RASA3: variants seen among roughly 807,000 people sequenced by gnomAD.
RASA3 encodes the protein ras GTPase-activating protein 3.
RASA3 carries 73 observed loss-of-function variants against 110.0 expected under a neutral mutation model. The observed-to-expected ratio is 0.66, with a 90% CI of 0.55 to 0.81. The LOEUF is 0.81. Among genes scored for constraint, RASA3 ranks in the 30% least tolerant of loss-of-function variants. The pLI, the probability that RASA3 is intolerant of heterozygous loss-of-function variation, is 0.00. For synonymous variants in RASA3, 500 were observed against 451.4 expected (o/e 1.11, Z -1.37); for missense variants, 976 against 1,113.2 (o/e 0.88, Z 1.75).
chr13:114,003,070 C>T (rs1197802007), intron 18 of RASA3, among the ~76,000 whole-genome samples: 1 of 152,230 alleles, frequency 6.6e-6, no homozygotes, highest in African/African-American at 2.4e-5. Context: ...GCAAGACACA[C>T]TTGGCACCAA....
chr13:113,988,800 C>T (rs1198371389), intron 22 of RASA3, among the ~76,000 whole-genome samples: 2 of 143,250 alleles, frequency 1.4e-5, no homozygotes, highest in Admixed American at 6.9e-5. Context: ...CCCATCCACC[C>T]ATCACTCAAC....
At chr13:114,032,435 A>C (rs1343056098) in intron 4 of RASA3, among the ~76,000 whole-genome samples, 1 of 152,154 alleles carries the variant, frequency 6.6e-6, no homozygotes, top group African/African-American at 2.4e-5. Flanking sequence ...GCCTCCATGT[A>C]CTGATTTATG....
intron 1 of RASA3, among the ~76,000 whole-genome samples, chr13:114,074,113 C>T (rs759884453): frequency 1.3e-5 from 2 of 152,204 alleles, no homozygotes; most frequent in Admixed American, 1.3e-4. Flanking sequence ...TGCATTAGTC[C>T]CTTTATTTTA....
intron 18 of RASA3, among the ~76,000 whole-genome samples, chr13:114,004,861 C>T (rs909993677): frequency 9.9e-5 from 15 of 152,202 alleles, no homozygotes; most frequent in Non-Finnish European, 1.2e-4. Context: ...AGCAAAGACA[C>T]GGAATCCACG....
At position 113,996,668 on chromosome 13, in the gene RASA3, C is replaced by T; in HGVS notation, c.2004G>A (p.Trp668Ter). The T allele has an allele frequency of 6.2e-7, 1 of 1,613,842 alleles. No homozygotes were observed. The highest frequency in any genetic ancestry group is 8.5e-7 in the Non-Finnish European group (1 of 1,180,038). The change falls in exon 21 of 24, where the codon TGG (tryptophan) becomes TGA (stop). Residue 668 changes from tryptophan (W) to a stop codon, truncating the protein, a stop_gained. Coordinates refer to ENST00000334062, the MANE Select transcript of RASA3 (RefSeq NM_007368.4). LOFTEE classifies it high-confidence loss of function. ...GGCTCACTTTGGTGAGAATGTCGAT[C>T]CAGTCCTTGGCCTCCACGCAGTTGT... ...QANNCVEAKD[W>*]IDILTKVSQC... is the part of the protein sequence containing the mutation.
chr13:114,041,312 T>C (rs892826860), intron 3 of RASA3, among the ~76,000 whole-genome samples: 11 of 152,216 alleles, frequency 7.2e-5, no homozygotes, highest in African/African-American at 1.9e-4. Flanking sequence ...TGGTGAAAAC[T>C]TGTCTCTACA....
chr13:114,070,561 G>A (rs893195581), intron 2 of RASA3, among the ~76,000 whole-genome samples: 4 of 152,218 alleles, frequency 2.6e-5, no homozygotes, highest in African/African-American at 7.2e-5. Flanking sequence ...CGGCCAGCCC[G>A]CACAGCCCTC....
chr13:114,094,398 A>G (rs2079920128), intron 1 of RASA3, among the ~76,000 whole-genome samples: 1 of 152,256 alleles, frequency 6.6e-6, no homozygotes, highest in Admixed American at 6.5e-5. Context: ...CCATCAACAC[A>G]TGAACGGATA....
At chr13:114,051,786 A>G (rs6560957) in intron 3 of RASA3, among the ~76,000 whole-genome samples, 54,936 of 152,146 alleles carry the variant, frequency 0.36, 10,136 homozygotes, top group Middle Eastern at 0.48. Flanking sequence ...AGAGGGCCAG[A>G]GATGCTGTGC....
intron 4 of RASA3, among the ~76,000 whole-genome samples, chr13:114,037,490 G>T (rs534781300): frequency 6.6e-6 from 1 of 152,282 alleles, no homozygotes; most frequent in East Asian, 1.9e-4. Flanking sequence ...CTGCCGGTGG[G>T]GAAGGGGCGG....
chr13:114,038,532 T>C (rs1264389445), intron 4 of RASA3, among the ~76,000 whole-genome samples: 1 of 152,224 alleles, frequency 6.6e-6, no homozygotes, highest in East Asian at 1.9e-4. Flanking sequence ...CAGGGCTTCT[T>C]GGCTCCACTC....
rs184614080 is a variant in RASA3 at position 114,012,113 on chromosome 13, G to A, written c.1513-865C>T. On this transcript the variant is annotated intron_variant, in intron 15 of 23. Coordinates refer to ENST00000334062, the MANE Select transcript of RASA3 (RefSeq NM_007368.4). The stretch of plus-strand genomic sequence containing the variant: ...ATAGGAATCTGTTGACTCAATACAC[G>A]GATGATACGCCGATCATCAATACTC... Among the ~76,000 whole-genome samples the A allele has an allele frequency of 1.4e-4, 22 of 152,072 alleles. No individual in the cohort carries two copies. In the East Asian group the frequency reaches 3.1e-3, roughly 21 times the overall value.
At chr13:114,024,875 C>T (rs1594342948) in intron 7 of RASA3, among the ~76,000 whole-genome samples, 2 of 152,256 alleles carry the variant, frequency 1.3e-5, no homozygotes, top group East Asian at 3.8e-4. Context: ...AGTCAAGACG[C>T]TGCTACCTTC....
intron 3 of RASA3, among the ~76,000 whole-genome samples, chr13:114,041,479 C>A (rs567832647): frequency 6.6e-6 from 1 of 152,260 alleles, no homozygotes; most frequent in Middle Eastern, 3.2e-3. Context: ...TCCGCTCCAT[C>A]GGCAATGTGC....
At position 114,018,184 on chromosome 13, in the gene RASA3, C is replaced by CG; in HGVS notation, c.1010dup (p.Leu338AlafsTer74). On this transcript the variant is annotated frameshift_variant, in exon 11 of 24. Coordinates refer to ENST00000334062, the MANE Select transcript of RASA3 (RefSeq NM_007368.4). LOFTEE classifies it high-confidence loss of function. Reference sequence around the variant, plus strand: ...CATAGTGTAGGAAGAGCCGCACCAGCGGGACGGCCGCCTCCTGCTTCTCCC... The same window carrying CG: ...CATAGTGTAGGAAGAGCCGCACCAGCGGGGACGGCCGCCTCCTGCTTCTCCC... 1 of 1,552,222 alleles carries CG rather than the reference C, an allele frequency of 6.4e-7. No individual in the cohort carries two copies. Among genetic ancestry groups the CG allele is most frequent in the East Asian group, 2.4e-5 (1 of 40,984 alleles).
At chr13:114,082,466 G>A (rs959016213) in intron 1 of RASA3, among the ~76,000 whole-genome samples, 3 of 152,220 alleles carry the variant, frequency 2.0e-5, no homozygotes, top group Non-Finnish European at 2.9e-5. Context: ...TCCTGATCAC[G>A]GACAGTGGGC....
chr13:114,079,477 T>C (rs1395926013), intron 1 of RASA3, among the ~76,000 whole-genome samples: 1 of 152,276 alleles, frequency 6.6e-6, no homozygotes, highest in South Asian at 2.1e-4. Context: ...GGCCTAAAAA[T>C]TTTGCTAGGC....
intron 1 of RASA3, among the ~76,000 whole-genome samples, chr13:114,080,309 C>T (rs554194094): frequency 1.3e-4 from 20 of 152,310 alleles, no homozygotes; most frequent in Admixed American, 2.0e-4. Flanking sequence ...CTGGCACCAG[C>T]GGGCTTCTGT....
At chr13:114,009,329 G>C (rs1352356736) in intron 17 of RASA3, 58 bp downstream of exon 17, 1 of 1,371,660 alleles carries the variant, frequency 7.3e-7, no homozygotes, top group Non-Finnish European at 1.0e-6. Context: ...AATTTTAAAA[G>C]AGAACTCCGT....
Sources: gnomAD v4.1 joint callset for allele counts (sites outside exome capture counted in the v4.1 genomes callset) on GRCh38, gnomAD v4.1.1 for gene constraint, MANE v1.5 for transcripts, NCBI Gene and HGNC (gene_info 2026-07-23, HGNC 2026-07-21) for gene names.